The following SLC71A2 variants were observed in gnomAD, a reference collection of about 807,000 sequenced individuals.
SLC71A2 encodes hippocampus abundant transcript-like 1.
chr9:94,457,162 C>T, the SLC71A2 span, among the ~76,000 whole-genome samples: 31 of 152,130 alleles, frequency 2.0e-4, no homozygotes, highest in South Asian at 1.7e-3. Context: ...GATGGGGTTT[C>T]GCCATGTTGC....
chr9:94,394,802 G>A, the SLC71A2 span, among the ~76,000 whole-genome samples: 13 of 142,380 alleles, frequency 9.1e-5, no homozygotes, highest in African/African-American at 3.1e-4. Flanking sequence ...GCAAAAAATA[G>A]CAAATATGTG....
chr9:94,398,591 C>G, the SLC71A2 span, among the ~76,000 whole-genome samples: 39 of 151,854 alleles, frequency 2.6e-4, no homozygotes, highest in Non-Finnish European at 4.6e-4. Flanking sequence ...TGCTAAATCA[C>G]GGAGGTTTGG....
At chr9:94,401,932 G>A in the SLC71A2 span, among the ~76,000 whole-genome samples, 1 of 152,176 alleles carries the variant, frequency 6.6e-6, no homozygotes, top group Non-Finnish European at 1.5e-5. Flanking sequence ...ACAAGGGGTG[G>A]ATTATTCATG....
chr9:94,415,246 T>C, the SLC71A2 span: 1 of 1,610,914 alleles, frequency 6.2e-7, no homozygotes, highest in Non-Finnish European at 8.5e-7. Context: ...ACAACTCCAA[T>C]GTTGACTGTA....
the SLC71A2 span, among the ~76,000 whole-genome samples, chr9:94,411,548 T>G: frequency 6.6e-6 from 1 of 152,030 alleles, no homozygotes; most frequent in Non-Finnish European, 1.5e-5. Flanking sequence ...GGCTGTGAAG[T>G]GGCAGGATTC....
the SLC71A2 span, among the ~76,000 whole-genome samples, chr9:94,379,089 C>CTTTTTTTT: frequency 1.2e-5 from 1 of 84,112 alleles, no homozygotes; most frequent in Non-Finnish European, 2.5e-5. Flanking sequence ...TGTGCATTTC[C>CTTTTTTTT]TTTTTTTTTT....
the SLC71A2 span, among the ~76,000 whole-genome samples, chr9:94,428,843 C>T: frequency 6.6e-6 from 1 of 151,960 alleles, no homozygotes; most frequent in African/African-American, 2.4e-5. Flanking sequence ...CCTTCACAGT[C>T]CCTGGCCACC....
At chr9:94,448,924 C>A in the SLC71A2 span, among the ~76,000 whole-genome samples, 4 of 152,226 alleles carry the variant, frequency 2.6e-5, no homozygotes, top group Non-Finnish European at 5.9e-5. Flanking sequence ...TGAGCCACTA[C>A]ACCCGATCTT....
At chr9:94,445,986 G>C in the SLC71A2 span, among the ~76,000 whole-genome samples, 1 of 152,188 alleles carries the variant, frequency 6.6e-6, no homozygotes, top group Non-Finnish European at 1.5e-5. Context: ...TAGTGGGGTT[G>C]GGAGCCAGCC....
At chr9:94,379,508 GC>G in the SLC71A2 span, among the ~76,000 whole-genome samples, 6 of 146,484 alleles carry the variant, frequency 4.1e-5, no homozygotes, top group Non-Finnish European at 7.5e-5. Flanking sequence ...TCCTGCCTCA[GC>G]CTCCCTAGTA....
chr9:94,378,133 A>C, the SLC71A2 span, among the ~76,000 whole-genome samples: 1 of 151,790 alleles, frequency 6.6e-6, no homozygotes, highest in African/African-American at 2.4e-5. Context: ...TTCCAAAAAA[A>C]AAAAAAGGAG....
chr9:94,441,219 C>T, the SLC71A2 span: 1 of 474,138 alleles, frequency 2.1e-6, no homozygotes. Flanking sequence ...ATATCTGAGA[C>T]TGGGTAATTT....
chr9:94,410,745 A>G, the SLC71A2 span, among the ~76,000 whole-genome samples: 1 of 152,226 alleles, frequency 6.6e-6, no homozygotes, highest in Non-Finnish European at 1.5e-5. Context: ...AACCATTAAA[A>G]AAATCAAATT....
At chr9:94,416,133 A>C in the SLC71A2 span, among the ~76,000 whole-genome samples, 8 of 152,206 alleles carry the variant, frequency 5.3e-5, no homozygotes, top group Admixed American at 5.2e-4. Context: ...GGGGGCAGAT[A>C]TTAGGTGGCT....
At chr9:94,454,026 C>T in the SLC71A2 span, 1 of 1,614,086 alleles carries the variant, frequency 6.2e-7, no homozygotes, top group Non-Finnish European at 8.5e-7. Flanking sequence ...GCTTGGGCTT[C>T]CAGATGCTCC....
the SLC71A2 span, among the ~76,000 whole-genome samples, chr9:94,377,834 C>T: frequency 4.6e-5 from 7 of 152,166 alleles, no homozygotes; most frequent in South Asian, 2.1e-4. Context: ...TCGCCGGGCA[C>T]GGTGGCTCAC....
chr9:94,428,249 C>A, the SLC71A2 span, among the ~76,000 whole-genome samples: 1 of 150,814 alleles, frequency 6.6e-6, no homozygotes, highest in Non-Finnish European at 1.5e-5. Context: ...TCTTTATATT[C>A]TTTAAAGAAA....
chr9:94,434,035 ACT>A, the SLC71A2 span, among the ~76,000 whole-genome samples: 1 of 151,950 alleles, frequency 6.6e-6, no homozygotes, highest in Admixed American at 6.6e-5. Flanking sequence ...TTTCAGTCTC[ACT>A]CTGAACAATT....
At chr9:94,417,829 G>A in the SLC71A2 span, among the ~76,000 whole-genome samples, 1 of 143,100 alleles carries the variant, frequency 7.0e-6, no homozygotes, top group Non-Finnish European at 1.5e-5. Context: ...CTCCTTTTGA[G>A]ACTCTCCTTA....
Sources: gnomAD v4.1 joint callset for allele counts (sites outside exome capture counted in the v4.1 genomes callset) on GRCh38, gnomAD v4.1.1 for gene constraint, MANE v1.5 for transcripts, NCBI Gene and HGNC (gene_info 2026-07-23, HGNC 2026-07-21) for gene names.